The following LPIN1 variants were observed in gnomAD, a reference collection of about 807,000 sequenced individuals.
The protein encoded by LPIN1 is phosphatidate phosphatase LPIN1.
LPIN1 carries 71 observed loss-of-function variants against 107.5 expected under a neutral mutation model. The ratio of observed to expected loss-of-function variants is 0.66; its 90% confidence interval spans 0.55 to 0.80. The LOEUF is 0.80. Among genes scored for constraint, LPIN1 ranks in the 30% least tolerant of loss-of-function variants. LPIN1 has a pLI of 0.00. For missense variants in LPIN1, 1,043 were observed against 1,160.6 expected (o/e 0.90, Z 1.47); for synonymous variants, 445 against 452.6 (o/e 0.98, Z 0.21).
chr2:11,795,436 G>C lies in LPIN1; in HGVS notation c.1835G>C (p.Gly612Ala). 1 of 1,614,058 alleles carries C rather than the reference G, an allele frequency of 6.2e-7. No individual in the cohort carries two copies. Among genetic ancestry groups the C allele is most frequent in the Non-Finnish European group, 8.5e-7 (1 of 1,179,994 alleles). ...EESKPEQCLA[G>A]KAHSTGEQPP... is the part of the protein sequence containing the mutation. ...AGTAAGCCAGAGCAGTGCTTGGCTGGCAAGGCCCATAGCACCGGAGAGCAA... is the reference window on the plus strand; with the variant it reads ...AGTAAGCCAGAGCAGTGCTTGGCTGCCAAGGCCCATAGCACCGGAGAGCAA... Residue 612 changes from glycine (G) to alanine (A), a missense_variant, in exon 14 of 21, where the codon GGC becomes GCC. By Grantham distance (60) the Gly-to-Ala change is moderately conservative (BLOSUM62 0). Transcript: ENST00000674199.
chr2:11,826,039 T>C lies in LPIN1; in HGVS notation c.*1248T>C, dbSNP rs1682322516. The C allele has an allele frequency of 6.6e-6, 1 of 152,666 alleles. No individual in the cohort carries two copies. The highest frequency in any genetic ancestry group is 2.4e-5 in the African/African-American group (1 of 41,470). 9.5% of individuals were successfully genotyped at this position (152,666 alleles called of 1,614,324 possible). Reference sequence around the variant, plus strand: ...CTTTAAGCCTACAGAATGTGATTCTTTCACTTGTTTATTACACTGGCTCGT... The same window carrying C: ...CTTTAAGCCTACAGAATGTGATTCTCTCACTTGTTTATTACACTGGCTCGT... On this transcript the variant is annotated 3_prime_UTR_variant, in exon 21 of 21. Transcript: ENST00000674199.
At chr2:11,760,627 G>A (rs1237374818) in intron 1 of LPIN1, among the ~76,000 whole-genome samples, 6 of 152,176 alleles carry the variant, frequency 3.9e-5, no homozygotes, top group South Asian at 2.1e-4. Context: ...CCGAGATGGC[G>A]GCAGTGCAGT....
Position 11,819,567 on chromosome 2 carries a change from C to G in LPIN1, c.2486C>G (p.Pro829Arg). 6.2e-7 allele frequency: 1 copy of G among 1,614,010 alleles called. No individual in the cohort carries two copies. Among genetic ancestry groups the G allele is most frequent in the Non-Finnish European group, 8.5e-7 (1 of 1,179,886 alleles). ...AACCTGTTTTTCCCCAACACAGAAC[C>G]CTTTTATGCTGCTTTTGGAAACCGA... ...IKNLFFPNTE[P>R]FYAAFGNRPA... The change falls in exon 19 of 21, where the codon CCC (proline) becomes CGC (arginine). Residue 829 changes from proline to arginine, a missense_variant. Transcript: ENST00000674199.
At chr2:11,797,749 G>A (rs1328827999) in intron 14 of LPIN1, among the ~76,000 whole-genome samples, 3 of 152,228 alleles carry the variant, frequency 2.0e-5, no homozygotes, top group Non-Finnish European at 4.4e-5. Flanking sequence ...GAGGGGACCT[G>A]TCTCAGATGA....
At chr2:11,791,195 A>C (rs1376869735) in intron 12 of LPIN1, among the ~76,000 whole-genome samples, 1 of 152,178 alleles carries the variant, frequency 6.6e-6, no homozygotes, top group Non-Finnish European at 1.5e-5. Flanking sequence ...TTTCAGCTTA[A>C]ATCTTTCTTT....
upstream of LPIN1, among the ~76,000 whole-genome samples, chr2:11,743,667 C>T (rs1666595698): frequency 6.6e-6 from 1 of 152,180 alleles, no homozygotes. This position sits in a 1 kb window ranked among gnomAD's most constrained non-coding sequence, Gnocchi z 4.7. Flanking sequence ...AAGTCTGCAC[C>T]TCTAGGGGAA....
intron 1 of LPIN1, among the ~76,000 whole-genome samples, chr2:11,756,514 G>C (rs1017149363): frequency 2.0e-5 from 3 of 152,010 alleles, no homozygotes; most frequent in Admixed American, 6.6e-5. Context: ...TCAGCCTCTC[G>C]AGTAGCTGGG....
At chr2:11,777,213 GGTCT>G (rs1672803516) in intron 6 of LPIN1, 1 of 152,046 alleles carries the variant, frequency 6.6e-6, no homozygotes, top group Non-Finnish European at 1.5e-5. Context: ...CGTCCTTTTT[GGTCT>G]GTCTGAATTC....
upstream of LPIN1, among the ~76,000 whole-genome samples, chr2:11,741,849 G>A (rs1360180821): frequency 1.4e-5 from 2 of 147,070 alleles, no homozygotes; most frequent in Non-Finnish European, 3.0e-5. Context: ...AATTAGCTGG[G>A]TGAGGATGTT....
At chr2:11,797,547 G>A (rs1676941140) in intron 14 of LPIN1, among the ~76,000 whole-genome samples, 1 of 152,248 alleles carries the variant, frequency 6.6e-6, no homozygotes. Context: ...GAGACATGGA[G>A]TCAAAGGAGA....
chr2:11,798,021 T>G (rs1173653368), intron 14 of LPIN1, among the ~76,000 whole-genome samples: 2 of 152,154 alleles, frequency 1.3e-5, no homozygotes, highest in Non-Finnish European at 2.9e-5. Flanking sequence ...GTTCTCGTGA[T>G]AGGGAGTTCT....
intron 9 of LPIN1, 76 bp downstream of exon 9, chr2:11,783,998 T>C (rs1674017563): frequency 1.9e-6 from 3 of 1,608,482 alleles, no homozygotes; most frequent in African/African-American, 2.7e-5. Context: ...TTTCCCCTTA[T>C]GTTTGATTAG....
chr2:11,815,164 G>A lies in LPIN1; in HGVS notation c.2326G>A (p.Val776Ile). The change falls in exon 18 of 21, where the codon GTC becomes ATC. Residue 776 changes from valine to isoleucine, a missense_variant. Coordinates refer to ENST00000674199, the MANE Select transcript of LPIN1 (RefSeq NM_001349206.2). ...CATGACGCGGGGCTACCTGCACTGGGTCAACGAGAGGGGCACGGTGCTGCC... is the reference window on the plus strand; with the variant it reads ...CATGACGCGGGGCTACCTGCACTGGATCAACGAGAGGGGCACGGTGCTGCC... ...ADMTRGYLHW[V>I]NERGTVLPQG... The A allele has an allele frequency of 6.2e-7, 1 of 1,614,256 alleles. No homozygotes were observed. Among genetic ancestry groups the A allele is most frequent in the Non-Finnish European group, 8.5e-7 (1 of 1,180,042 alleles).
At chr2:11,762,753 C>T (rs2148611940) in intron 1 of LPIN1, among the ~76,000 whole-genome samples, 1 of 152,278 alleles carries the variant, frequency 6.6e-6, no homozygotes, top group South Asian at 2.1e-4. Context: ...ATATATATTT[C>T]CTATTACATC....
chr2:11,799,893 C>G (rs976797156), intron 14 of LPIN1, among the ~76,000 whole-genome samples: 6 of 152,228 alleles, frequency 3.9e-5, no homozygotes, highest in Admixed American at 6.5e-5. Context: ...CAGAGTCTAA[C>G]TGCTGTACCA....
intron 1 of LPIN1, among the ~76,000 whole-genome samples, chr2:11,702,958 T>A (rs1662956282): frequency 6.6e-6 from 1 of 152,144 alleles, no homozygotes; most frequent in Admixed American, 6.5e-5. Flanking sequence ...GAGATGGAAG[T>A]GTGGATGACC....
chr2:11,746,879 A>C (rs1221718578), intron 1 of LPIN1, among the ~76,000 whole-genome samples: 1 of 151,994 alleles, frequency 6.6e-6, no homozygotes, highest in Non-Finnish European at 1.5e-5. Context: ...CAGGCCCCGG[A>C]GGCCGGGAGG....
At chr2:11,817,821 T>C (rs1258113012) in intron 18 of LPIN1, 1 of 149,786 alleles carries the variant, frequency 6.7e-6, no homozygotes, top group Non-Finnish European at 1.5e-5. Context: ...TAGTCCCAGC[T>C]ACGCGGGAGG....
intron 1 of LPIN1, among the ~76,000 whole-genome samples, chr2:11,728,750 A>T (rs2148543325): frequency 6.6e-6 from 1 of 151,958 alleles, no homozygotes; most frequent in South Asian, 2.1e-4. Context: ...TTAACTAAAT[A>T]CTTTTATAAT....
Sources: allele counts gnomAD v4.1 joint callset (sites outside exome capture counted in the v4.1 genomes callset), GRCh38; gene constraint gnomAD v4.1.1; non-coding constraint Gnocchi (gnomAD v3.1); transcripts MANE v1.5; gene names NCBI Gene and HGNC (gene_info 2026-07-23, HGNC 2026-07-21).